MYBL1: variants seen among roughly 807,000 people sequenced by gnomAD.
The protein encoded by MYBL1 is MYB proto-oncogene like 1, also known as myb-related protein A.
In MYBL1, 17 loss-of-function variants were observed where a neutral mutation model predicts 96.3. That is an observed-to-expected ratio of 0.18 (90% CI 0.12 to 0.26). The LOEUF is 0.26. MYBL1 is among the 10% of genes least tolerant of loss of function. The pLI is 1.00. For synonymous variants in MYBL1, 282 were observed against 292.7 expected (o/e 0.96, Z 0.37); for missense variants, 701 against 882.9 (o/e 0.79, Z 2.61).
intron 1 of MYBL1, among the ~76,000 whole-genome samples, chr8:66,611,823 C>T (rs1272043608): frequency 6.6e-6 from 1 of 152,162 alleles, no homozygotes; most frequent in East Asian, 1.9e-4. Context: ...ATGAATGACC[C>T]CCATTACTAA....
rs1809595822 is a variant in MYBL1, at chr8:66,590,543, A to T, written c.867+1897T>A. On this transcript the variant is annotated intron_variant, in intron 8 of 15. Coordinates refer to ENST00000522677, the MANE Select transcript of MYBL1 (RefSeq NM_001080416.4). ...AGGCTGAGGCAGGAGAATCACTTGA[A>T]CCCAGGAGCCTTCTGGGTAGTTAGG... 2.7e-5 allele frequency among the ~76,000 whole-genome samples: 4 copies of T among 146,934 alleles called. No individual in the cohort carries two copies. In the South Asian group the frequency reaches 8.7e-4, roughly 32 times the overall value.
At chr8:66,575,600 G>A (rs763568170) in intron 10 of MYBL1, among the ~76,000 whole-genome samples, 6 of 152,120 alleles carry the variant, frequency 3.9e-5, no homozygotes, top group Non-Finnish European at 8.8e-5. Flanking sequence ...GACCAGCTTG[G>A]GCAACATGGT....
rs116646106 is a variant in MYBL1, at chr8:66,564,984, G to T, written c.2131-159C>A. ...GGCACTGTATTTTTTTAATAATAAT[G>T]TTTTAAAATATATACTGAAATATTT... On this transcript the variant is annotated intron_variant, in intron 15 of 15. Coordinates refer to ENST00000522677, the MANE Select transcript of MYBL1 (RefSeq NM_001080416.4). 3.9e-3 allele frequency: 1,557 copies of T among 400,142 alleles called. 24 individuals carry two copies. Among genetic ancestry groups the T allele is most frequent in the African/African-American group, 0.026 (1,262 of 47,994 alleles). The allele number at this position is 400,142 out of a possible 1,614,324, so 24.8% of individuals were successfully genotyped here.
chr8:66,606,680 A>G (rs1216585489), intron 1 of MYBL1, among the ~76,000 whole-genome samples: 1 of 152,106 alleles, frequency 6.6e-6, no homozygotes, highest in Non-Finnish European at 1.5e-5. Context: ...CCATTCCCCT[A>G]TGATCTGCTT....
At chr8:66,588,642 A>C (rs986510513) in intron 8 of MYBL1, among the ~76,000 whole-genome samples, 1 of 152,170 alleles carries the variant, frequency 6.6e-6, no homozygotes, top group African/African-American at 2.4e-5. Context: ...AGGATTACCA[A>C]GCATACATAT....
intron 15 of MYBL1, 131 bp downstream of exon 15, chr8:66,565,933 G>A: frequency 1.5e-6 from 1 of 654,380 alleles, no homozygotes; most frequent in Non-Finnish European, 2.5e-6. Flanking sequence ...ATAAAATAAT[G>A]GTAAATGTTT....
In MYBL1 at chr8:66,587,845, T is replaced by G. The variant is rs546019198; in HGVS notation, c.867+4595A>C. On this transcript the variant is annotated intron_variant, in intron 8 of 15. Coordinates refer to ENST00000522677, the MANE Select transcript of MYBL1 (RefSeq NM_001080416.4). ...TTTAAAATTAAATGTGGCTAGTAAC[T>G]GCCATATGGTAGACAGCACACTGGA... Among the ~76,000 whole-genome samples, 10 of 152,286 alleles carry G rather than the reference T, an allele frequency of 6.6e-5. No homozygotes were observed. The East Asian group carries it at 1.7e-3, about 26-fold the overall frequency.
chr8:66,585,173 CA>C (rs1809364614), intron 8 of MYBL1, among the ~76,000 whole-genome samples: 1 of 151,990 alleles, frequency 6.6e-6, no homozygotes, highest in Non-Finnish European at 1.5e-5. Flanking sequence ...CTGTAGTAAC[CA>C]AAACAGCATG....
chr8:66,573,532 C>A (rs756596688), intron 10 of MYBL1, 26 bp from the exon 11 acceptor site: 2 of 1,563,732 alleles, frequency 1.3e-6, no homozygotes, highest in South Asian at 1.2e-5. Flanking sequence ...AGTTTAAAGA[C>A]GACTTCTAGA....
chr8:66,578,215 A>C (rs1203540653), intron 9 of MYBL1, among the ~76,000 whole-genome samples: 127 of 151,792 alleles, frequency 8.4e-4, no homozygotes, highest in Non-Finnish European at 1.3e-3. Context: ...GCAACAAAAG[A>C]CAAAATTGAC....
At position 66,588,392 on chromosome 8, in the gene MYBL1, A is replaced by G. The variant is rs1809505608; in HGVS notation, c.867+4048T>C. 2.7e-5 allele frequency among the ~76,000 whole-genome samples: 4 copies of G among 146,850 alleles called. 1 individual carries two copies. In the South Asian group the frequency reaches 8.6e-4, roughly 32 times the overall value. ...CCTCCCAGGCTCAAGTGATCCTCCC[A>G]CCTCACCTTCCCAAGTAGCTGGGAC... On this transcript the variant is annotated intron_variant, in intron 8 of 15. Coordinates refer to ENST00000522677, the MANE Select transcript of MYBL1 (RefSeq NM_001080416.4).
chr8:66,572,424 A>G (rs1808772706), intron 12 of MYBL1, 58 bp downstream of exon 12: 2 of 797,214 alleles, frequency 2.5e-6, no homozygotes, highest in African/African-American at 3.5e-5. Context: ...GATAAAAATC[A>G]TAATTTGTGT....
intron 2 of MYBL1, among the ~76,000 whole-genome samples, 196 bp from the exon 3 acceptor site, chr8:66,601,965 G>A (rs997064835): frequency 6.6e-6 from 1 of 152,032 alleles, no homozygotes; most frequent in Non-Finnish European, 1.5e-5. Context: ...TCATGTCTCT[G>A]GTTGAAGAAA....
intron 8 of MYBL1, among the ~76,000 whole-genome samples, chr8:66,581,481 AGTTTG>A (rs1809208709): frequency 6.6e-6 from 1 of 152,164 alleles, no homozygotes; most frequent in South Asian, 2.1e-4. Flanking sequence ...GTTTGAGAAC[AGTTTG>A]GCCAACATAA....
intron 14 of MYBL1, 24 bp from the exon 15 acceptor site, chr8:66,566,267 A>G: frequency 7.3e-7 from 1 of 1,371,592 alleles, no homozygotes; most frequent in Non-Finnish European, 9.9e-7. Context: ...AAGAAAGAGG[A>G]AAATAACTAA....
Position 66,597,397 on chromosome 8 carries a change from T to G in MYBL1, c.445A>C (p.Ile149Leu). Residue 149 changes from isoleucine (I) to leucine (L), a missense_variant, in exon 5 of 16, where the codon ATC becomes CTC. Ile to Leu is a conservative substitution (Grantham distance 5). Transcript: ENST00000522677. ...AACCGCTTATGTGCTTCATAGATGA[T>G]CCTGTCCTCCTCTTCTGTCCAGGAA... is the stretch of plus-strand genomic sequence containing the variant. Reference protein sequence around the residue: ...KSSWTEEEDRIIYEAHKRLGN... With the variant: ...KSSWTEEEDRLIYEAHKRLGN... 1 of 1,612,886 alleles carries G rather than the reference T, an allele frequency of 6.2e-7. No homozygotes were observed. Among genetic ancestry groups the G allele is most frequent in the Non-Finnish European group, 8.5e-7 (1 of 1,179,386 alleles).
chr8:66,608,244 G>A (rs187618528), intron 1 of MYBL1, among the ~76,000 whole-genome samples: 2 of 152,130 alleles, frequency 1.3e-5, no homozygotes, highest in Admixed American at 6.5e-5. Flanking sequence ...TTCTACATGA[G>A]GTTTCATTCT....
Position 66,595,674 on chromosome 8 carries a change from T to C in MYBL1, c.596A>G (p.Lys199Arg). The C allele has an allele frequency of 6.3e-7, 1 of 1,585,982 alleles. No individual in the cohort carries two copies. The highest frequency in any genetic ancestry group is 8.6e-7 in the Non-Finnish European group (1 of 1,164,454). ...AAGTTTAGATGAAGATCGTTCTGAT[T>C]TTATTCCATCTTGTAAATAGCCCTC... is the stretch of plus-strand genomic sequence containing the variant. Reference protein sequence around the residue: ...EQEGYLQDGIKSERSSSKLQH... With the variant: ...EQEGYLQDGIRSERSSSKLQH... The change falls in exon 6 of 16, where the codon AAA becomes AGA. Residue 199 changes from lysine (K) to arginine (R), a missense_variant. Physicochemically the swap from Lys to Arg is conservative, Grantham distance 26. Coordinates refer to ENST00000522677, the MANE Select transcript of MYBL1 (RefSeq NM_001080416.4).
intron 8 of MYBL1, among the ~76,000 whole-genome samples, chr8:66,590,673 ACT>A (rs1174945229): frequency 6.6e-6 from 1 of 151,670 alleles, no homozygotes; most frequent in Non-Finnish European, 1.5e-5. Context: ...AGAGAGTGAG[ACT>A]CTGTCTCAAA....
Sources: gnomAD v4.1 joint callset for allele counts (sites outside exome capture counted in the v4.1 genomes callset) on GRCh38, gnomAD v4.1.1 for gene constraint, MANE v1.5 for transcripts, NCBI Gene and HGNC (gene_info 2026-07-23, HGNC 2026-07-21) for gene names.